CHN2: variants seen among roughly 807,000 people sequenced by gnomAD.
CHN2 encodes the protein beta-chimaerin.
Under a neutral mutation model 56.3 loss-of-function variants are expected in CHN2, and 35 were observed. The ratio of observed to expected loss-of-function variants is 0.62; its 90% CI spans 0.47 to 0.82. The LOEUF (loss-of-function observed/expected upper bound fraction) is 0.82, where lower values mean the gene tolerates loss of function less well. CHN2 is among the 40% of genes least tolerant of loss of function. CHN2 has a pLI of 0.00. For synonymous variants in CHN2, 210 were observed against 212.8 expected (o/e 0.99, Z 0.12); for missense variants, 491 against 580.5 (o/e 0.85, Z 1.58).
At chr7:29,171,506 C>A (rs753979179) in intron 2 of CHN2, among the ~76,000 whole-genome samples, 15 of 152,140 alleles carry the variant, frequency 9.9e-5, no homozygotes, top group Non-Finnish European at 2.2e-4. Context: ...ACCCAGAATC[C>A]TCCTCAATTC....
chr7:29,288,727 A>T (rs1157797117), intron 1 of CHN2, among the ~76,000 whole-genome samples: 2 of 152,244 alleles, frequency 1.3e-5, no homozygotes, highest in Admixed American at 1.3e-4. Context: ...AGACAAAGAA[A>T]TGGAGACAAA....
At chr7:29,397,585 G>C (rs1214748123) in intron 4 of CHN2, 7 of 152,144 alleles carry the variant, frequency 4.6e-5, no homozygotes, top group Admixed American at 4.6e-4. Flanking sequence ...GGGAGGAGCA[G>C]CTGTATTTAC....
rs1446693531 is a variant in CHN2 at position 29,263,787 on chromosome 7, C to G, written c.49+68797C>G. ...TCTGAGATGTGAAGAGTGCCTCTGC[C>G]CGGCTGCGACCCCGTCTGGGAGGTG... On this transcript the variant is annotated intron_variant, in intron 1 of 12. Coordinates refer to ENST00000222792, the MANE Select transcript of CHN2 (RefSeq NM_004067.4). 2.0e-5 allele frequency among the ~76,000 whole-genome samples: 3 copies of G among 151,914 alleles called. No homozygotes were observed. The East Asian group carries it at 5.9e-4, about 30-fold the overall frequency.
intron 6 of CHN2, among the ~76,000 whole-genome samples, chr7:29,428,990 T>C (rs1443111150): frequency 6.6e-6 from 1 of 152,194 alleles, no homozygotes; most frequent in Non-Finnish European, 1.5e-5. Context: ...GGGCCAGTCC[T>C]GGAAGTAGCA....
At chr7:29,335,189 G>A (rs569741764) in intron 1 of CHN2, among the ~76,000 whole-genome samples, 5 of 152,318 alleles carry the variant, frequency 3.3e-5, no homozygotes, top group South Asian at 2.1e-4. Flanking sequence ...ACAATATGGA[G>A]TCACTCATGC....
chr7:29,461,080 C>T (rs1785132619), intron 6 of CHN2, among the ~76,000 whole-genome samples: 1 of 152,236 alleles, frequency 6.6e-6, no homozygotes, highest in African/African-American at 2.4e-5. Context: ...AGCCATTCTC[C>T]TCCATCTGTA....
chr7:29,152,115 T>C (rs1346986090), intron 2 of CHN2, among the ~76,000 whole-genome samples: 1 of 152,210 alleles, frequency 6.6e-6, no homozygotes, highest in Non-Finnish European at 1.5e-5. Context: ...AGTGACTCTA[T>C]AGCCTCTGAA....
At position 29,421,938 on chromosome 7, in the gene CHN2, G is replaced by A. The variant is rs138093675; in HGVS notation, c.576+21110G>A. On this transcript the variant is annotated intron_variant, in intron 6 of 12. Coordinates refer to ENST00000222792, the MANE Select transcript of CHN2 (RefSeq NM_004067.4). ...ACTGAAATGCTGTCAGGCAAGCTAT[G>A]CACAGAACTTCCAGTCACATATTTG... 5.9e-5 allele frequency among the ~76,000 whole-genome samples: 9 copies of A among 152,292 alleles called. No individual in the cohort carries two copies. The South Asian group carries it at 1.2e-3, about 21-fold the overall frequency.
intron 1 of CHN2, among the ~76,000 whole-genome samples, chr7:29,242,759 GAAAAAAAA>G (rs57273690): frequency 8.4e-5 from 5 of 59,730 alleles, no homozygotes; most frequent in Admixed American, 3.4e-4. Context: ...CTTTCCTTCT[GAAAAAAAA>G]AAAAAAAAAA....
intron 2 of CHN2, among the ~76,000 whole-genome samples, chr7:29,150,686 T>G (rs1396301953): frequency 6.6e-6 from 1 of 152,254 alleles, no homozygotes; most frequent in Non-Finnish European, 1.5e-5. Flanking sequence ...TTGATTAACC[T>G]TGTAGGCAAT....
chr7:29,283,803 G>C (rs1791917859), intron 1 of CHN2, among the ~76,000 whole-genome samples: 1 of 151,546 alleles, frequency 6.6e-6, no homozygotes, highest in South Asian at 2.1e-4. Flanking sequence ...ATTTTTAGTA[G>C]AGATGGGGTT....
At chr7:29,431,362 G>A (rs545988743) in intron 6 of CHN2, among the ~76,000 whole-genome samples, 15 of 152,230 alleles carry the variant, frequency 9.9e-5, no homozygotes, top group South Asian at 8.3e-4. Context: ...CCTTAGCCAC[G>A]GCTAACTTCG....
chr7:29,418,729 C>T (rs1193633031), intron 6 of CHN2, among the ~76,000 whole-genome samples: 1 of 152,144 alleles, frequency 6.6e-6, no homozygotes. Flanking sequence ...GACCAGGACT[C>T]GTGGTCTCCT....
chr7:29,377,024 GTTTTA>G (rs141049385), intron 3 of CHN2, among the ~76,000 whole-genome samples: 2,031 of 152,100 alleles, frequency 0.013, 18 homozygotes, highest in Non-Finnish European at 0.022. Flanking sequence ...TTGCTTGTTT[GTTTTA>G]TTTTGTTTGT....
intron 6 of CHN2, among the ~76,000 whole-genome samples, chr7:29,435,894 C>CTTTTTTTTTTT (rs57786505): frequency 1.5e-4 from 20 of 137,400 alleles, no homozygotes; most frequent in African/African-American, 2.7e-4. Flanking sequence ...GAAGCGCCTC[C>CTTTTTTTTTTT]TTTTTTTTTT....
At chr7:29,293,464 A>C (rs1792843043) in intron 1 of CHN2, among the ~76,000 whole-genome samples, 1 of 148,236 alleles carries the variant, frequency 6.7e-6, no homozygotes. Context: ...CTCCACCTTG[A>C]AGGTGCTCCT....
rs184122958 is a variant in CHN2, at chr7:29,364,364, G to A, written c.89-3568G>A. Among the ~76,000 whole-genome samples the A allele has an allele frequency of 6.7e-4, 102 of 152,328 alleles. 1 individual carries two copies. The highest frequency in any genetic ancestry group is 1.7e-3 in the South Asian group (8 of 4,826). ...CTAAAAATGCTTCTCTTTTATAACA[G>A]GTATGCATCCTTTGCCACCTCCATT... On this transcript the variant is annotated intron_variant, in intron 2 of 12. Transcript: ENST00000222792.
chr7:29,263,922 G>A (rs1390747034), intron 1 of CHN2, among the ~76,000 whole-genome samples: 4 of 151,070 alleles, frequency 2.6e-5, no homozygotes, highest in African/African-American at 4.9e-5. Context: ...CTCCCTGTCC[G>A]GGAGCTGGGG....
At chr7:29,424,871 G>C (rs1804698659) in intron 6 of CHN2, among the ~76,000 whole-genome samples, 1 of 152,170 alleles carries the variant, frequency 6.6e-6, no homozygotes, top group African/African-American at 2.4e-5. Context: ...CTGGCCCCTG[G>C]AGGCCTATTC....
Sources: allele counts gnomAD v4.1 joint callset (sites outside exome capture counted in the v4.1 genomes callset), GRCh38; gene constraint gnomAD v4.1.1; transcripts MANE v1.5; gene names NCBI Gene and HGNC (gene_info 2026-07-23, HGNC 2026-07-21).